The following LSAMP variants were observed in gnomAD, a reference collection of about 807,000 sequenced individuals.
The protein encoded by LSAMP is limbic system associated membrane protein.
Under a neutral mutation model 38.6 loss-of-function variants are expected in LSAMP, and 7 were observed. The observed-to-expected ratio is 0.18, with a 90% confidence interval of 0.10 to 0.34. The LOEUF (loss-of-function observed/expected upper bound fraction) is 0.34, where lower values mean the gene tolerates loss of function less well. Ranked by LOEUF, LSAMP falls within the 10% of genes least tolerant of loss-of-function variation. LSAMP has a pLI of 1.00. For missense variants in LSAMP, 313 were observed against 420.0 expected, an observed-to-expected ratio of 0.75 and a Z score of 2.23; for synonymous variants, 154 against 166.8, an observed-to-expected ratio of 0.92 and a Z score of 0.59.
At chr3:116,237,704 G>A (rs554872206) in intron 1 of LSAMP, among the ~76,000 whole-genome samples, 1 of 152,266 alleles carries the variant, frequency 6.6e-6, no homozygotes, top group East Asian at 1.9e-4. Context: ...AGTTTGGAGA[G>A]GATGATAAGT....
intron 1 of LSAMP, among the ~76,000 whole-genome samples, chr3:116,164,756 A>AT (rs1159041110): frequency 1.8e-5 from 1 of 55,992 alleles, no homozygotes; most frequent in African/African-American, 5.3e-5. Flanking sequence ...ATATATATAT[A>AT]TATATTTTTT....
intron 1 of LSAMP, among the ~76,000 whole-genome samples, chr3:116,331,130 T>C (rs1197978700): frequency 1.3e-5 from 2 of 151,432 alleles, no homozygotes; most frequent in Non-Finnish European, 3.0e-5. Flanking sequence ...ACAAGAGAAA[T>C]TCAAAGACAT....
At chr3:116,407,702 C>T (rs1160255283) in intron 1 of LSAMP, among the ~76,000 whole-genome samples, 2 of 151,994 alleles carry the variant, frequency 1.3e-5, no homozygotes, top group Non-Finnish European at 2.9e-5. Flanking sequence ...TTTACCTTGT[C>T]ATGGAAAATG....
intron 1 of LSAMP, among the ~76,000 whole-genome samples, chr3:116,398,097 C>T (rs1365074079): frequency 6.6e-6 from 1 of 151,816 alleles, no homozygotes; most frequent in African/African-American, 2.4e-5. Flanking sequence ...TTTCTACCAT[C>T]CCAAAGTTTA....
At chr3:115,886,977 C>G (rs1936471125) in intron 3 of LSAMP, among the ~76,000 whole-genome samples, 1 of 151,892 alleles carries the variant, frequency 6.6e-6, no homozygotes, top group Admixed American at 6.6e-5. Flanking sequence ...TTTTTAAAAA[C>G]TATTCTCCCA....
chr3:116,340,120 A>G (rs2047973052), intron 1 of LSAMP, among the ~76,000 whole-genome samples: 1 of 152,072 alleles, frequency 6.6e-6, no homozygotes, highest in South Asian at 2.1e-4. Context: ...AATTATCCCT[A>G]TCATTCTGTT....
At chr3:116,019,417 T>A in intron 3 of LSAMP, 98 bp downstream of exon 3, 1 of 1,406,880 alleles carries the variant, frequency 7.1e-7, no homozygotes. Context: ...TCAATTCTGA[T>A]TCTGAATTGA....
At chr3:116,223,700 C>T (rs1242399521) in intron 1 of LSAMP, among the ~76,000 whole-genome samples, 2 of 152,134 alleles carry the variant, frequency 1.3e-5, no homozygotes, top group Admixed American at 1.3e-4. Context: ...TTAATGTTGA[C>T]ACTATAGTAC....
At chr3:115,967,878 A>T (rs531564170) in intron 3 of LSAMP, among the ~76,000 whole-genome samples, 2 of 152,262 alleles carry the variant, frequency 1.3e-5, no homozygotes, top group South Asian at 4.1e-4. Flanking sequence ...TGTGGGAATT[A>T]TGGGAGCTAC....
At chr3:115,892,490 A>G (rs2107461234) in intron 3 of LSAMP, among the ~76,000 whole-genome samples, 1 of 152,096 alleles carries the variant, frequency 6.6e-6, no homozygotes, top group South Asian at 2.1e-4. Context: ...CACAAAAAGA[A>G]GTATTATAGG....
chr3:116,202,584 AC>A (rs1361725732), intron 1 of LSAMP, among the ~76,000 whole-genome samples: 1 of 152,024 alleles, frequency 6.6e-6, no homozygotes, highest in East Asian at 1.9e-4. Context: ...AGCTAGGACT[AC>A]AGATGTGAGC....
intron 1 of LSAMP, among the ~76,000 whole-genome samples, chr3:116,103,464 CAAAAAAAAAAAAAA>C (rs59732794): frequency 7.0e-5 from 3 of 42,830 alleles, no homozygotes; most frequent in Admixed American, 2.6e-4. Flanking sequence ...GACTCCTTCT[CAAAAAAAAAAAAAA>C]AAAAAAAAAA....
chr3:116,283,147 A>G (rs1339765939), intron 1 of LSAMP, among the ~76,000 whole-genome samples: 1 of 151,964 alleles, frequency 6.6e-6, no homozygotes, highest in Admixed American at 6.6e-5. Flanking sequence ...CAAAGTCCCA[A>G]TCCCAGAAAA....
At chr3:116,151,436 G>T (rs2107527261) in intron 1 of LSAMP, among the ~76,000 whole-genome samples, 1 of 152,092 alleles carries the variant, frequency 6.6e-6, no homozygotes, top group Non-Finnish European at 1.5e-5. Flanking sequence ...ATATTCAGAG[G>T]CCTAGAGATC....
Position 116,286,973 on chromosome 3 carries a change from C to G in LSAMP, c.155+157904G>C, listed in dbSNP as rs147710626. Among the ~76,000 whole-genome samples the G allele has an allele frequency of 6.6e-3, 999 of 152,062 alleles. 9 individuals carry two copies. The highest frequency in any genetic ancestry group is 0.023 in the African/African-American group (946 of 41,474). On this transcript the variant is annotated intron_variant, in intron 1 of 6. Transcript: ENST00000490035. ...ATCACCAGCTGTGACTCCCTCATCC[C>G]TTTCTATCTATAACCATCTAGAGAT...
chr3:115,930,385 G>C lies in LSAMP; in HGVS notation c.515-77768C>G, dbSNP rs117122123. ...TTATCTGAGCCCCTCCTTGAGGAGG[G>C]ATAGTAGGAAATTCAACAGTAACAA... is the stretch of plus-strand genomic sequence containing the variant. On this transcript the variant is annotated intron_variant, in intron 3 of 6. Transcript: ENST00000490035. Among the ~76,000 whole-genome samples the C allele has an allele frequency of 4.9e-3, 739 of 152,208 alleles. 14 individuals are homozygous for C. The highest frequency in any genetic ancestry group is 8.9e-3 in the South Asian group (43 of 4,810).
intron 1 of LSAMP, among the ~76,000 whole-genome samples, chr3:116,319,804 G>GT (rs1200435851): frequency 0.037 from 4,759 of 128,212 alleles, 202 homozygotes; most frequent in African/African-American, 0.13. Context: ...TTTTTTTTTT[G>GT]TTTTTTTTTT....
chr3:116,246,626 C>A (rs952550059), intron 1 of LSAMP, among the ~76,000 whole-genome samples: 2 of 152,174 alleles, frequency 1.3e-5, no homozygotes, highest in Non-Finnish European at 2.9e-5. Context: ...CATTTTTCAG[C>A]ACCGTGATAA....
chr3:115,971,221 C>T (rs1559902669), intron 3 of LSAMP, among the ~76,000 whole-genome samples: 1 of 152,042 alleles, frequency 6.6e-6, no homozygotes, highest in Non-Finnish European at 1.5e-5. Context: ...AAAAATTGTG[C>T]CTGTACAATT....
Sources: gnomAD v4.1 joint callset for allele counts (sites outside exome capture counted in the v4.1 genomes callset) on GRCh38, gnomAD v4.1.1 for gene constraint, MANE v1.5 for transcripts, NCBI Gene and HGNC (gene_info 2026-07-23, HGNC 2026-07-21) for gene names.